Variants in CUL3 observed in about 807,000 individuals in gnomAD.
CUL3 encodes cullin 3, also known as cullin-3.
CUL3 carries 19 observed loss-of-function variants against 89.1 expected under a neutral mutation model. The ratio of observed to expected loss-of-function variants is 0.21; its 90% CI spans 0.15 to 0.31. The LOEUF (loss-of-function observed/expected upper bound fraction) is 0.31. CUL3 is among the 10% of genes least tolerant of loss of function. The pLI is 1.00. For synonymous variants in CUL3, 351 were observed against 308.4 expected, an observed-to-expected ratio of 1.14 and a Z score of -1.45; for missense variants, 469 against 942.3, an observed-to-expected ratio of 0.50 and a Z score of 6.58.
intron 1 of CUL3, among the ~76,000 whole-genome samples, chr2:224,581,974 T>C (rs1695451760): frequency 6.6e-6 from 1 of 151,994 alleles, no homozygotes; most frequent in South Asian, 2.1e-4. Flanking sequence ...TAAACAATTT[T>C]TTTTTTTGAG....
In CUL3 at chr2:224,474,321, C is replaced by T. The variant is rs2106133454; in HGVS notation, c.2231G>A (p.Arg744His). The change falls in exon 16 of 16, where the codon CGT (arginine) becomes CAT (histidine). Residue 744 changes from arginine to histidine, a missense_variant. Transcript: ENST00000264414. ...FLPSPVVIKKRIEGLIEREYL... is the reference protein window; with the variant it reads ...FLPSPVVIKKHIEGLIEREYL... Reference sequence around the variant, plus strand: ...TTCTCTCTCAATAAGTCCTTCAATACGTTTCTTAATAACAACTGGACTTGG... The same window carrying T: ...TTCTCTCTCAATAAGTCCTTCAATATGTTTCTTAATAACAACTGGACTTGG... 1.9e-6 allele frequency: 3 copies of T among 1,613,876 alleles called. No homozygotes were observed. The highest frequency in any genetic ancestry group is 2.5e-6 in the Non-Finnish European group (3 of 1,179,840).
chr2:224,554,779 C>T (rs1694642154), intron 2 of CUL3, among the ~76,000 whole-genome samples: 2 of 152,118 alleles, frequency 1.3e-5, no homozygotes, highest in Non-Finnish European at 2.9e-5. Context: ...AGAACATGCC[C>T]CTCTTCCAAG....
At chr2:224,490,270 TAA>T (rs1174092467) in intron 13 of CUL3, among the ~76,000 whole-genome samples, 2 of 152,182 alleles carry the variant, frequency 1.3e-5, no homozygotes, top group Non-Finnish European at 2.9e-5. Context: ...GTGAAAGTAC[TAA>T]AAGTCTCTGA....
chr2:224,577,275 T>C (rs969529360), intron 1 of CUL3, among the ~76,000 whole-genome samples: 3 of 152,096 alleles, frequency 2.0e-5, no homozygotes, highest in African/African-American at 7.2e-5. Context: ...TGTTAAAGGT[T>C]ATGCAGCTAG....
intron 3 of CUL3, among the ~76,000 whole-genome samples, chr2:224,528,012 T>C (rs575590931): frequency 6.6e-6 from 1 of 152,306 alleles, no homozygotes; most frequent in South Asian, 2.1e-4. Flanking sequence ...ACCTAAATTA[T>C]CCCCTCACAA....
At chr2:224,584,842 G>T in intron 1 of CUL3, 102 bp downstream of exon 1, 1 of 782,898 alleles carries the variant, frequency 1.3e-6, no homozygotes, top group East Asian at 5.3e-5. Flanking sequence ...GGGGAGGGGA[G>T]GCCGGGCCTG....
chr2:224,541,092 A>C lies in CUL3; in HGVS notation c.265-5451T>G, dbSNP rs184235684. Among the ~76,000 whole-genome samples the C allele has an allele frequency of 2.5e-3, 375 of 152,344 alleles. 1 individual carries two copies. Among genetic ancestry groups the C allele is most frequent in the Admixed American group, 4.1e-3 (62 of 15,294 alleles). On this transcript the variant is annotated intron_variant, in intron 2 of 15. Transcript: ENST00000264414. ...AAATGATACCAAAAGCATAATTTATAAAAGAAAAAATGCTAAACTGGACTC... is the reference window on the plus strand; with the variant it reads ...AAATGATACCAAAAGCATAATTTATCAAAGAAAAAATGCTAAACTGGACTC...
At chr2:224,500,854 C>A (rs1389256963) in intron 10 of CUL3, among the ~76,000 whole-genome samples, 4 of 151,972 alleles carry the variant, frequency 2.6e-5, no homozygotes, top group East Asian at 3.9e-4. Flanking sequence ...GAACTCCTGA[C>A]CTCAGATGAT....
At chr2:224,554,843 G>A (rs186852256) in intron 2 of CUL3, among the ~76,000 whole-genome samples, 1 of 152,160 alleles carries the variant, frequency 6.6e-6, no homozygotes, top group East Asian at 1.9e-4. Flanking sequence ...CAATAACTCA[G>A]CTGTTCCAAT....
intron 2 of CUL3, among the ~76,000 whole-genome samples, chr2:224,553,331 T>C (rs915575298): frequency 3.6e-4 from 55 of 152,148 alleles, no homozygotes; most frequent in African/African-American, 1.3e-3. Flanking sequence ...TAGTCAAAAA[T>C]TGACTGGTCA....
intron 11 of CUL3, 147 bp downstream of exon 11, chr2:224,500,216 G>T: frequency 1.2e-6 from 1 of 853,564 alleles, no homozygotes; most frequent in Non-Finnish European, 1.8e-6. Context: ...GGGGGAAATT[G>T]CTGTATGCCA....
Position 224,503,090 on chromosome 2 carries a change from A to G in CUL3, c.1378-18T>C. Reference sequence around the variant, plus strand: ...CATTCAGTCTGTGGAGGAAAAACACAAATATACACAAATAAATGGTAGATG... The same window carrying G: ...CATTCAGTCTGTGGAGGAAAAACACGAATATACACAAATAAATGGTAGATG... On this transcript the variant is annotated intron_variant, in intron 9 of 15. Coordinates refer to ENST00000264414, the MANE Select transcript of CUL3 (RefSeq NM_003590.5). The G allele has an allele frequency of 7.4e-7, 1 of 1,352,034 alleles. No homozygotes were observed. The highest frequency in any genetic ancestry group is 1.1e-6 in the Non-Finnish European group (1 of 944,494). 83.8% of individuals were successfully genotyped at this position (1,352,034 alleles called of 1,614,324 possible). A position where few individuals can be genotyped will look rare whatever the true frequency, so the allele number is the denominator to read the frequency against.
chr2:224,557,559 G>T, intron 2 of CUL3, 100 bp downstream of exon 2: 1 of 751,936 alleles, frequency 1.3e-6, no homozygotes, highest in Non-Finnish European at 2.1e-6. Flanking sequence ...ATAGGCTTCT[G>T]GCACCTTTAA....
At chr2:224,561,133 T>TC (rs1157272776) in intron 1 of CUL3, among the ~76,000 whole-genome samples, 1 of 152,156 alleles carries the variant, frequency 6.6e-6, no homozygotes, top group Non-Finnish European at 1.5e-5. Flanking sequence ...ATTTTCCTGG[T>TC]CTCCCTCTCT....
chr2:224,584,518 T>G (rs1295445201), intron 1 of CUL3, among the ~76,000 whole-genome samples: 1 of 152,050 alleles, frequency 6.6e-6, no homozygotes, highest in East Asian at 1.9e-4. Context: ...AAAGCTAGGC[T>G]GGGTAAATTT....
At chr2:224,486,626 C>T (rs1292540271) in intron 13 of CUL3, among the ~76,000 whole-genome samples, 1 of 152,104 alleles carries the variant, frequency 6.6e-6, no homozygotes, top group African/African-American at 2.4e-5. Context: ...TGTGAAAAGA[C>T]CAAACCTACG....
intron 3 of CUL3, among the ~76,000 whole-genome samples, chr2:224,526,980 G>T (rs1458287182): frequency 6.6e-6 from 1 of 152,152 alleles, no homozygotes; most frequent in Non-Finnish European, 1.5e-5. Flanking sequence ...AACCTTTACA[G>T]TATTTCATGA....
intron 2 of CUL3, among the ~76,000 whole-genome samples, chr2:224,557,233 C>T (rs1166518964): frequency 6.6e-6 from 1 of 151,948 alleles, no homozygotes; most frequent in Non-Finnish European, 1.5e-5. Flanking sequence ...TACCACAGAA[C>T]TCAGTTAAAA....
intron 11 of CUL3, 57 bp downstream of exon 11, chr2:224,500,306 T>C: frequency 6.4e-7 from 1 of 1,573,264 alleles, no homozygotes. Context: ...TTCAAATTCA[T>C]TTTTAATTTT....
Sources: gnomAD v4.1 joint callset for allele counts (sites outside exome capture counted in the v4.1 genomes callset) on GRCh38, gnomAD v4.1.1 for gene constraint, MANE v1.5 for transcripts, NCBI Gene and HGNC (gene_info 2026-07-23, HGNC 2026-07-21) for gene names.